The following TYW1 variants were observed in gnomAD, a reference collection of about 807,000 sequenced individuals.
TYW1 encodes tRNA-yW synthesizing protein 1 homolog.
In TYW1, 46 loss-of-function variants were observed where a neutral mutation model predicts 96.2. The observed-to-expected ratio is 0.48, with a 90% confidence interval of 0.38 to 0.61. The LOEUF (loss-of-function observed/expected upper bound fraction) is 0.61. TYW1 is among the 20% of genes least tolerant of loss of function. TYW1 has a pLI of 0.00. For synonymous variants in TYW1, 274 were observed against 323.0 expected (o/e 0.85, Z 1.63); for missense variants, 684 against 909.6 (o/e 0.75, Z 3.19).
At chr7:67,094,254 C>G (rs1796816892) in intron 11 of TYW1, among the ~76,000 whole-genome samples, 1 of 152,122 alleles carries the variant, frequency 6.6e-6, no homozygotes, top group Non-Finnish European at 1.5e-5. Flanking sequence ...TTGATGGACA[C>G]TTAGGTCATG....
intron 13 of TYW1, among the ~76,000 whole-genome samples, chr7:67,132,769 C>T (rs972406948): frequency 1.2e-4 from 18 of 152,108 alleles, no homozygotes; most frequent in African/African-American, 3.6e-4. Flanking sequence ...ATATTATGCT[C>T]GTGACATATT....
At chr7:67,234,635 T>G in intron 15 of TYW1, among the ~76,000 whole-genome samples, 1 of 140,190 alleles carries the variant, frequency 7.1e-6, no homozygotes, top group Admixed American at 7.0e-5. Flanking sequence ...TTACTTGGTC[T>G]TCCAGTTAGT....
intron 3 of TYW1, among the ~76,000 whole-genome samples, chr7:67,001,527 T>A (rs1793389003): frequency 6.6e-6 from 1 of 151,652 alleles, no homozygotes; most frequent in South Asian, 2.1e-4. Context: ...GTTCAAGCGA[T>A]TCTTCTGCCT....
intron 3 of TYW1, among the ~76,000 whole-genome samples, chr7:67,002,677 A>G (rs1351792927): frequency 6.6e-6 from 1 of 151,648 alleles, no homozygotes; most frequent in African/African-American, 2.4e-5. Flanking sequence ...ATTTGTATGC[A>G]TTTTGACGAT....
intron 9 of TYW1, among the ~76,000 whole-genome samples, chr7:67,058,576 TG>T (rs1408172703): frequency 2.6e-5 from 4 of 152,038 alleles, no homozygotes; most frequent in Non-Finnish European, 5.9e-5. Flanking sequence ...TCCCACCTCC[TG>T]GGCTGAAGTG....
At chr7:67,039,962 A>G (rs759608146) in intron 7 of TYW1, among the ~76,000 whole-genome samples, 25 of 135,634 alleles carry the variant, frequency 1.8e-4, no homozygotes, top group African/African-American at 6.8e-4. Context: ...TGCCTGGTCT[A>G]TTTTTTTTTT....
intron 11 of TYW1, among the ~76,000 whole-genome samples, chr7:67,095,389 A>G (rs758457669): frequency 6.6e-6 from 1 of 151,874 alleles, no homozygotes; most frequent in African/African-American, 2.4e-5. Flanking sequence ...AGTCCCTTCA[A>G]TAAACCCTAT....
intron 15 of TYW1, among the ~76,000 whole-genome samples, chr7:67,204,581 C>G (rs1044795482): frequency 2.1e-5 from 3 of 140,140 alleles, no homozygotes; most frequent in Non-Finnish European, 4.6e-5. Flanking sequence ...CTTCTTCCTT[C>G]TTTCTTCTTC....
At chr7:67,141,953 T>G (rs1166259583) in intron 13 of TYW1, among the ~76,000 whole-genome samples, 2 of 152,184 alleles carry the variant, frequency 1.3e-5, no homozygotes, top group Non-Finnish European at 2.9e-5. Flanking sequence ...GAGAATCGCT[T>G]GAACCCGGGA....
chr7:67,160,605 T>C (rs1799131574), intron 13 of TYW1, among the ~76,000 whole-genome samples: 2 of 147,958 alleles, frequency 1.4e-5, no homozygotes, highest in South Asian at 4.3e-4. Flanking sequence ...ATTTTTCACT[T>C]TTTTGAATTG....
chr7:67,010,477 ATTTT>A (rs201032960), intron 4 of TYW1, among the ~76,000 whole-genome samples: 2 of 135,382 alleles, frequency 1.5e-5, no homozygotes, highest in African/African-American at 2.7e-5. Flanking sequence ...ATTTTAAAAG[ATTTT>A]TTTTTTTTTT....
intron 11 of TYW1, among the ~76,000 whole-genome samples, chr7:67,093,027 T>G (rs1360341438): frequency 1.3e-5 from 2 of 151,954 alleles, no homozygotes; most frequent in Non-Finnish European, 2.9e-5. Flanking sequence ...ATTAGCCAAG[T>G]GTGGTGGCAT....
At chr7:67,035,821 G>T (rs1584488043) in intron 7 of TYW1, among the ~76,000 whole-genome samples, 1 of 152,048 alleles carries the variant, frequency 6.6e-6, no homozygotes. Flanking sequence ...GGGACTACAG[G>T]TGCATGCCAC....
At chr7:67,006,424 G>A (rs1195295741) in intron 3 of TYW1, among the ~76,000 whole-genome samples, 1 of 146,488 alleles carries the variant, frequency 6.8e-6, no homozygotes, top group Non-Finnish European at 1.5e-5. Context: ...CCAATCTCAG[G>A]TATTTCTTTT....
At chr7:67,203,162 C>A (rs1368752741) in intron 15 of TYW1, among the ~76,000 whole-genome samples, 3 of 152,190 alleles carry the variant, frequency 2.0e-5, no homozygotes, top group African/African-American at 7.2e-5. Context: ...CTCTGGCGAC[C>A]GCTAATCTCC....
At chr7:67,078,263 T>C (rs752859006) in intron 10 of TYW1, among the ~76,000 whole-genome samples, 2 of 147,272 alleles carry the variant, frequency 1.4e-5, no homozygotes, top group Non-Finnish European at 3.0e-5. Flanking sequence ...TCCTGGCTAA[T>C]TTTTTGTATT....
chr7:67,217,089 T>C (rs1483657904), intron 15 of TYW1, among the ~76,000 whole-genome samples: 1 of 150,996 alleles, frequency 6.6e-6, no homozygotes, highest in Non-Finnish European at 1.5e-5. Context: ...CATTTCTATA[T>C]CTTCTTTGGA....
At chr7:67,078,189 C>T (rs13224237) in intron 10 of TYW1, among the ~76,000 whole-genome samples, 8 of 151,888 alleles carry the variant, frequency 5.3e-5, no homozygotes, top group East Asian at 1.9e-4. Context: ...TCCACCTGCC[C>T]GGTTCAAGTG....
At position 67,000,055 on chromosome 7, in the gene TYW1, C is replaced by T. The variant is rs1376163348; in HGVS notation, c.273+1101C>T. Among the ~76,000 whole-genome samples, 6 of 152,122 alleles carry T rather than the reference C, an allele frequency of 3.9e-5. No homozygotes were observed. The East Asian group carries it at 1.2e-3, about 29-fold the overall frequency. ...GGCTCAAGGCATCCTCCCACCTCAG[C>T]CTCCTGAGTATCTGGGACTATAGGT... On this transcript the variant is annotated intron_variant, in intron 3 of 15. Transcript: ENST00000359626.
Sources: allele counts gnomAD v4.1 joint callset (sites outside exome capture counted in the v4.1 genomes callset), GRCh38; gene constraint gnomAD v4.1.1; transcripts MANE v1.5; gene names NCBI Gene and HGNC (gene_info 2026-07-23, HGNC 2026-07-21).